The following TSPYL4 variants were observed in gnomAD, a reference collection of about 807,000 sequenced individuals.
TSPYL4 encodes testis-specific Y-encoded-like protein 4.
Under a neutral mutation model 24.2 loss-of-function variants are expected in TSPYL4, and 22 were observed. The observed-to-expected ratio is 0.91, with a 90% confidence interval of 0.65 to 1.30. The LOEUF (loss-of-function observed/expected upper bound fraction) is 1.30. Ranked by LOEUF, TSPYL4 falls within the 50% of genes most tolerant of loss-of-function variation. The pLI, the probability that TSPYL4 is intolerant of heterozygous loss-of-function variation, is 0.00. For missense variants in TSPYL4, 569 were observed against 536.7 expected (o/e 1.06, Z -0.60); for synonymous variants, 211 against 208.2 (o/e 1.01, Z -0.12).
At position 116,252,726 on chromosome 6, in the gene TSPYL4, T is replaced by C; in HGVS notation, c.*38A>G. The C allele has an allele frequency of 6.6e-7, 1 of 1,523,634 alleles. No homozygotes were observed. The highest frequency in any genetic ancestry group is 1.3e-5 in the South Asian group (1 of 78,392). 94.4% of individuals were successfully genotyped at this position (1,523,634 alleles called of 1,614,324 possible). ...CAAGCATAGGTCCAAGAGGAGGTGG[T>C]AAGGAAACTTGTGCAGAAGCTTCTC... On this transcript the variant is annotated 3_prime_UTR_variant, in exon 1 of 1. Coordinates refer to ENST00000420283, the MANE Select transcript of TSPYL4 (RefSeq NM_021648.5).
rs375653462 is a variant in TSPYL4, at chr6:116,253,834, C to T, written c.175G>A (p.Glu59Lys). 1 of 1,612,118 alleles carries T rather than the reference C, an allele frequency of 6.2e-7. No homozygotes were observed. The highest frequency in any genetic ancestry group is 8.5e-7 in the Non-Finnish European group (1 of 1,179,210). ...TGGGSLETVA[E>K]GGASQDPVDC... ...ACAGGATCCTGGGATGCACCCCCCT[C>T]CGCAACGGTCTCCAGGCTGCCCCCA... The change falls in exon 1 of 1, where the codon GAG (glutamate) becomes AAG (lysine). Residue 59 changes from glutamate to lysine, a missense_variant. Coordinates refer to ENST00000420283, the MANE Select transcript of TSPYL4 (RefSeq NM_021648.5). This position sits in a 1 kb window ranked among gnomAD's most constrained non-coding sequence, Gnocchi z 4.3.
Position 116,251,355 on chromosome 6 carries a change from T to C in TSPYL4, c.*1409A>G, listed in dbSNP as rs1405780771. The C allele has an allele frequency of 2.5e-6, 1 of 398,192 alleles. No individual in the cohort carries two copies. Among genetic ancestry groups the C allele is most frequent in the African/African-American group, 2.1e-5 (1 of 48,606 alleles). 24.7% of individuals were successfully genotyped at this position (398,192 alleles called of 1,614,324 possible). A position where few individuals can be genotyped will look rare whatever the true frequency, so the allele number is the denominator to read the frequency against. ...AAGAAATACACAGGTTTTGGTAGAA[T>C]GGATGGGGTAAAAAGATAAATATGT... On this transcript the variant is annotated 3_prime_UTR_variant, in exon 1 of 1. Coordinates refer to ENST00000420283, the MANE Select transcript of TSPYL4 (RefSeq NM_021648.5).
chr6:116,253,310 G>T lies in TSPYL4; in HGVS notation c.699C>A (p.Gly233=). 1 of 1,585,702 alleles carries T rather than the reference G, an allele frequency of 6.3e-7. No individual in the cohort carries two copies. The highest frequency in any genetic ancestry group is 1.1e-5 in the South Asian group (1 of 87,504). The part of the protein sequence containing the change: ...RAFLQLERKF[G]RMRRLHMQRR... ...GCTGCATGTGGAGCCTTCGCATGCG[G>T]CCAAACTTGCGCTCAAGCTGAAGGA... Residue 233 remains glycine, a synonymous_variant, in exon 1 of 1, where the codon GGC becomes GGA. Transcript: ENST00000420283. This position sits in a 1 kb window ranked among gnomAD's most constrained non-coding sequence, Gnocchi z 4.3.
rs1240044933 is a variant in TSPYL4 at position 116,251,759 on chromosome 6, AGAG to A, written c.*1002_*1004del. 6.6e-6 allele frequency: 1 copy of A among 152,464 alleles called. No individual in the cohort carries two copies. The highest frequency in any genetic ancestry group is 6.5e-5 in the Admixed American group (1 of 15,292). 9.4% of individuals were successfully genotyped at this position (152,464 alleles called of 1,614,324 possible). On this transcript the variant is annotated 3_prime_UTR_variant, in exon 1 of 1. Coordinates refer to ENST00000420283, the MANE Select transcript of TSPYL4 (RefSeq NM_021648.5). The stretch of plus-strand genomic sequence containing the variant: ...AACTCTGGCAACTTTTGTCATGTTC[AGAG>A]TGGGTGCAGGCGGGGAAAAGAGGAA...
Position 116,252,977 on chromosome 6 carries a change from T to C in TSPYL4, c.1032A>G (p.Arg344=), listed in dbSNP as rs1771981659. The change falls in exon 1 of 1, where the codon AGA becomes AGG. Residue 344 remains arginine, a synonymous_variant. Coordinates refer to ENST00000420283, the MANE Select transcript of TSPYL4 (RefSeq NM_021648.5). The stretch of plus-strand genomic sequence containing the variant: ...TAGGGATAGTGTTCCCTTCCCGGTT[T>C]CTGTGGATATGAGCCTGGGGGTCTT... ...RGQDPQAHIH[R]NREGNTIPSF... The C allele has an allele frequency of 6.2e-7, 1 of 1,614,148 alleles. No individual in the cohort carries two copies. Among genetic ancestry groups the C allele is most frequent in the Non-Finnish European group, 8.5e-7 (1 of 1,180,014 alleles).
Position 116,253,537 on chromosome 6 carries a change from C to G in TSPYL4, c.472G>C (p.Ala158Pro). 1 of 1,551,896 alleles carries G rather than the reference C, an allele frequency of 6.4e-7. No homozygotes were observed. Among genetic ancestry groups the G allele is most frequent in the African/African-American group, 1.4e-5 (1 of 73,126 alleles). ...KAKEVTTKKR[A>P]ISAAVEKEGE... ...TCCTTTTCCACTGCTGCCGAGATGGCGCGTTTTTTAGTCGTCACTTCCTTG... is the reference window on the plus strand; with the variant it reads ...TCCTTTTCCACTGCTGCCGAGATGGGGCGTTTTTTAGTCGTCACTTCCTTG... Residue 158 changes from alanine (A) to proline (P), a missense_variant, in exon 1 of 1, where the codon GCC becomes CCC. By Grantham distance (27) the Ala-to-Pro change is conservative. Transcript: ENST00000420283. This position sits in a 1 kb window ranked among gnomAD's most constrained non-coding sequence, Gnocchi z 4.3.
Position 116,251,536 on chromosome 6 carries a change from A to C in TSPYL4, c.*1228T>G, listed in dbSNP as rs1411901153. ...AATCATAACCTTTCTCTCTGAACAC[A>C]ATCAGGGAAAGAGCAAATTAAACAA... On this transcript the variant is annotated 3_prime_UTR_variant, in exon 1 of 1. Coordinates refer to ENST00000420283, the MANE Select transcript of TSPYL4 (RefSeq NM_021648.5). The C allele has an allele frequency of 2.3e-5, 7 of 308,650 alleles. No homozygotes were observed. The highest frequency in any genetic ancestry group is 3.2e-4 in the South Asian group (2 of 6,214). 19.1% of individuals were successfully genotyped at this position (308,650 alleles called of 1,614,324 possible). A position where few individuals can be genotyped will look rare whatever the true frequency, so the allele number is the denominator to read the frequency against.
At position 116,253,060 on chromosome 6, in the gene TSPYL4, G is replaced by C; in HGVS notation, c.949C>G (p.Arg317Gly). The part of the protein sequence containing the change: ...RNEGLVKEYE[R>G]RSSGRVVSLS... Reference sequence around the variant, plus strand: ...GACACCACCCGGCCAGAGGATCTGCGTTCATATTCCTTGACAAGCCCCTCA... The same window carrying C: ...GACACCACCCGGCCAGAGGATCTGCCTTCATATTCCTTGACAAGCCCCTCA... Residue 317 changes from arginine to glycine, a missense_variant, in exon 1 of 1, where the codon CGC (arginine) becomes GGC (glycine). Physicochemically the swap from Arg to Gly is moderately radical, Grantham distance 125. Transcript: ENST00000420283. The surrounding 1 kb of genome is among the most constrained non-coding windows in gnomAD (Gnocchi z 4.3). 1 of 1,614,110 alleles carries C rather than the reference G, an allele frequency of 6.2e-7. No individual in the cohort carries two copies.
rs1158855046 is a variant in TSPYL4 at position 116,253,807 on chromosome 6, C to G, written c.202G>C (p.Asp68His). ...GGGACGCGGAGCGCGGGGCCACAGTCGACAGGATCCTGGGATGCACCCCCC... is the reference window on the plus strand; with the variant it reads ...GGGACGCGGAGCGCGGGGCCACAGTGGACAGGATCCTGGGATGCACCCCCC... The part of the protein sequence containing the change: ...AEGGASQDPV[D>H]CGPALRVPVA... The change falls in exon 1 of 1, where the codon GAC (aspartate) becomes CAC (histidine). Residue 68 changes from aspartate (D) to histidine (H), a missense_variant. Physicochemically the swap from Asp to His is moderately conservative, Grantham distance 81 (BLOSUM62 -1). Coordinates refer to ENST00000420283, the MANE Select transcript of TSPYL4 (RefSeq NM_021648.5). The surrounding 1 kb of genome is among the most constrained non-coding windows in gnomAD (Gnocchi z 4.3). 1 of 1,607,180 alleles carries G rather than the reference C, an allele frequency of 6.2e-7. No individual in the cohort carries two copies. Among genetic ancestry groups the G allele is most frequent in the Non-Finnish European group, 8.5e-7 (1 of 1,176,650 alleles).
In TSPYL4 at chr6:116,251,306, T is replaced by C; in HGVS notation, c.*1458A>G. 2.5e-6 allele frequency: 1 copy of C among 398,712 alleles called. No individual in the cohort carries two copies. The highest frequency in any genetic ancestry group is 4.4e-6 in the Non-Finnish European group (1 of 226,134). 24.7% of individuals were successfully genotyped at this position (398,712 alleles called of 1,614,324 possible). ...TCACTGTGAGGCCCTTCTCTCTCTT[T>C]CCAGCTTCTCAAACTAAAAACTCAA... On this transcript the variant is annotated 3_prime_UTR_variant, in exon 1 of 1. Transcript: ENST00000420283.
chr6:116,253,381 T>C lies in TSPYL4; in HGVS notation c.628A>G (p.Ile210Val), dbSNP rs1218756153. Residue 210 changes from isoleucine to valine, a missense_variant, in exon 1 of 1, where the codon ATC (isoleucine) becomes GTC (valine). Transcript: ENST00000420283. This position sits in a 1 kb window ranked among gnomAD's most constrained non-coding sequence, Gnocchi z 4.3. ...INNCMDSLEA[I>V]DQELSNVNAQ... ...TTTACGTTTGACAACTCTTGATCGA[T>C]GGCCTCCAGTGAGTCCATGCAGTTA... 3 of 1,552,458 alleles carry C rather than the reference T, an allele frequency of 1.9e-6. No homozygotes were observed. In the South Asian group the frequency reaches 3.6e-5, roughly 18 times the overall value.
chr6:116,253,593 A>C lies in TSPYL4; in HGVS notation c.416T>G (p.Leu139Trp). The C allele has an allele frequency of 6.4e-7, 1 of 1,552,290 alleles. No homozygotes were observed. Among genetic ancestry groups the C allele is most frequent in the Non-Finnish European group, 8.7e-7 (1 of 1,147,194 alleles). ...CTTCCCCGGTATCATCTGAGACCCC[A>C]AGCCCCCTGCGCCACAGGCTTCTAG... ...KALEACGAGG[L>W]GSQMIPGKKA... Residue 139 changes from leucine to tryptophan, a missense_variant, in exon 1 of 1, where the codon TTG (leucine) becomes TGG (tryptophan). Transcript: ENST00000420283. The surrounding 1 kb of genome is among the most constrained non-coding windows in gnomAD (Gnocchi z 4.3).
Position 116,250,859 on chromosome 6 carries a change from G to A in TSPYL4, c.*1905C>T. 2 of 225,896 alleles carry A rather than the reference G, an allele frequency of 8.9e-6. No individual in the cohort carries two copies. The highest frequency in any genetic ancestry group is 1.1e-4 in the Admixed American group (2 of 17,438). 14.0% of individuals were successfully genotyped at this position (225,896 alleles called of 1,614,324 possible). On this transcript the variant is annotated 3_prime_UTR_variant, in exon 1 of 1. Coordinates refer to ENST00000420283, the MANE Select transcript of TSPYL4 (RefSeq NM_021648.5). ...ACCAAAGGGGAAAAGGGTGATGGTG[G>A]ATGGTCTTTATCACCACACATGATC...
At position 116,252,773 on chromosome 6, in the gene TSPYL4, C is replaced by G. The variant is rs373677929; in HGVS notation, c.1236G>C (p.Gln412His). 65 of 1,593,554 alleles carry G rather than the reference C, an allele frequency of 4.1e-5. No homozygotes were observed. Among genetic ancestry groups the G allele is most frequent in the Non-Finnish European group, 5.5e-5 (64 of 1,169,090 alleles). The stretch of plus-strand genomic sequence containing the variant: ...TCTCACAGGACAGAGATTAGCCAGA[C>G]TGGAACCTGAAGGATCTGGCGCTCT... ...PVESARSFRF[Q>H]SG The change falls in exon 1 of 1, where the codon CAG becomes CAC. Residue 412 changes from glutamine (Q) to histidine (H), a missense_variant. By Grantham distance (24) the Gln-to-His change is conservative (BLOSUM62 0). Coordinates refer to ENST00000420283, the MANE Select transcript of TSPYL4 (RefSeq NM_021648.5).
chr6:116,253,816 C>G lies in TSPYL4; in HGVS notation c.193G>C (p.Asp65His). The change falls in exon 1 of 1, where the codon GAT (aspartate) becomes CAT (histidine). Residue 65 changes from aspartate to histidine, a missense_variant. Asp to His is a moderately conservative substitution (Grantham distance 81). Transcript: ENST00000420283. This position sits in a 1 kb window ranked among gnomAD's most constrained non-coding sequence, Gnocchi z 4.3. Reference protein sequence around the residue: ...ETVAEGGASQDPVDCGPALRV... With the variant: ...ETVAEGGASQHPVDCGPALRV... The stretch of plus-strand genomic sequence containing the variant: ...AGCGCGGGGCCACAGTCGACAGGAT[C>G]CTGGGATGCACCCCCCTCCGCAACG... 6.2e-7 allele frequency: 1 copy of G among 1,609,858 alleles called. No homozygotes were observed. The highest frequency in any genetic ancestry group is 8.5e-7 in the Non-Finnish European group (1 of 1,178,218).
chr6:116,253,990 C>A lies in TSPYL4; in HGVS notation c.19G>T (p.Gly7Cys). ...GTTTGGGCGAGAGGGAGCTTGTTGC[C>A]CCCATCCAGGCCGCTCATTTTGGAA... MSGLDG[G>C]NKLPLAQTGG... Residue 7 changes from glycine to cysteine, a missense_variant, in exon 1 of 1, where the codon GGC becomes TGC. Coordinates refer to ENST00000420283, the MANE Select transcript of TSPYL4 (RefSeq NM_021648.5). The surrounding 1 kb of genome is among the most constrained non-coding windows in gnomAD (Gnocchi z 4.3). The A allele has an allele frequency of 6.3e-7, 1 of 1,587,408 alleles. No individual in the cohort carries two copies. Among genetic ancestry groups the A allele is most frequent in the Non-Finnish European group, 8.6e-7 (1 of 1,166,356 alleles).
rs1771942541 is a variant in TSPYL4 at position 116,250,989 on chromosome 6, TCTTCCACAATGCAGGCTGCAGCCTG to T, written c.*1750_*1774del. The stretch of plus-strand genomic sequence containing the variant: ...TTATCCCCTACAAGGAGGCTGGAGA[TCTTCCACAATGCAGGCTGCAGCCTG>T]CTTCTTCATTTGTTAGGAGCAGGGA... On this transcript the variant is annotated 3_prime_UTR_variant, in exon 1 of 1. Coordinates refer to ENST00000420283, the MANE Select transcript of TSPYL4 (RefSeq NM_021648.5). 1 of 389,484 alleles carries T rather than the reference TCTTCCACAATGCAGGCTGCAGCCTG, an allele frequency of 2.6e-6. No individual in the cohort carries two copies. Among genetic ancestry groups the T allele is most frequent in the Non-Finnish European group, 4.5e-6 (1 of 221,058 alleles). The allele number at this position is 389,484 out of a possible 1,614,324, so 24.1% of individuals were successfully genotyped here.
Position 116,252,019 on chromosome 6 carries a change from A to AG in TSPYL4, c.*744dup, listed in dbSNP as rs2114575803. The AG allele has an allele frequency of 6.5e-6, 1 of 152,678 alleles. No homozygotes were observed. Among genetic ancestry groups the AG allele is most frequent in the African/African-American group, 2.4e-5 (1 of 41,574 alleles). The allele number at this position is 152,678 out of a possible 1,614,324, so 9.5% of individuals were successfully genotyped here. A position where few individuals can be genotyped will look rare whatever the true frequency, so the allele number is the denominator to read the frequency against. ...GTTCAACCAGAAGGTGAGAGTGAGT[A>AG]GGGGTGGGCTATAGCACAGGCTTCA... On this transcript the variant is annotated 3_prime_UTR_variant, in exon 1 of 1. Coordinates refer to ENST00000420283, the MANE Select transcript of TSPYL4 (RefSeq NM_021648.5).
At position 116,253,918 on chromosome 6, in the gene TSPYL4, C is replaced by G; in HGVS notation, c.91G>C (p.Asp31His). The G allele has an allele frequency of 6.2e-7, 1 of 1,613,734 alleles. No homozygotes were observed. Among genetic ancestry groups the G allele is most frequent in the South Asian group, 1.1e-5 (1 of 91,002 alleles). ...TCTTCACGGAGCCCTTGGCACTGGT[C>G]TCGGTCCGGATCTCCTGAGGCATGG... ...PDHASGDPDR[D>H]QCQGLREETE... Residue 31 changes from aspartate (D) to histidine (H), a missense_variant, in exon 1 of 1, where the codon GAC (aspartate) becomes CAC (histidine). Asp to His is a moderately conservative substitution (Grantham distance 81). Coordinates refer to ENST00000420283, the MANE Select transcript of TSPYL4 (RefSeq NM_021648.5). The surrounding 1 kb of genome is among the most constrained non-coding windows in gnomAD (Gnocchi z 4.3).
Sources: allele counts gnomAD v4.1 joint callset, GRCh38; gene constraint gnomAD v4.1.1; non-coding constraint Gnocchi (gnomAD v3.1); transcripts MANE v1.5; gene names NCBI Gene and HGNC (gene_info 2026-07-23, HGNC 2026-07-21).